Variants in CCDC102B observed in about 807,000 individuals in gnomAD.
The protein encoded by CCDC102B is coiled-coil domain-containing protein 102B.
Under a neutral mutation model 57.4 loss-of-function variants are expected in CCDC102B, and 75 were observed. That is an observed-to-expected ratio of 1.31 (90% CI 1.08 to 1.58). The LOEUF (loss-of-function observed/expected upper bound fraction) is 1.58. CCDC102B is among the 40% of genes most tolerant of loss of function. The probability of loss-of-function intolerance (pLI) is 0.00; values close to 1 mark genes in which losing one functional copy is unlikely to be tolerated. For missense variants in CCDC102B, 636 were observed against 582.6 expected (o/e 1.09, Z -0.94); for synonymous variants, 206 against 201.9 (o/e 1.02, Z -0.17).
intron 6 of CCDC102B, among the ~76,000 whole-genome samples, chr18:68,990,015 C>G (rs981943457): frequency 1.3e-5 from 2 of 152,170 alleles, no homozygotes; most frequent in Non-Finnish European, 2.9e-5. Flanking sequence ...CTGTATAGGA[C>G]CCACTCCTGG....
intron 1 of CCDC102B, among the ~76,000 whole-genome samples, chr18:68,834,993 A>G (rs2037305136): frequency 6.6e-6 from 1 of 152,088 alleles, no homozygotes; most frequent in Non-Finnish European, 1.5e-5. Flanking sequence ...GATTATTTAC[A>G]CCAGAAAAGC....
At chr18:68,996,068 GAA>G (rs2051019164) in intron 6 of CCDC102B, among the ~76,000 whole-genome samples, 1 of 152,226 alleles carries the variant, frequency 6.6e-6, no homozygotes, top group Non-Finnish European at 1.5e-5. Context: ...TGATTAGACT[GAA>G]AGATGCAAAG....
At chr18:68,738,401 G>A (rs966344585) in intron 2 of CCDC102B, among the ~76,000 whole-genome samples, 1 of 152,096 alleles carries the variant, frequency 6.6e-6, no homozygotes. Flanking sequence ...CCTGGAATAC[G>A]GGTCTATCCC....
intron 7 of CCDC102B, among the ~76,000 whole-genome samples, chr18:69,047,618 G>C (rs140559699): frequency 6.6e-6 from 1 of 152,014 alleles, no homozygotes; most frequent in East Asian, 1.9e-4. Context: ...TGCAGATGAC[G>C]TGATTCTATA....
chr18:68,968,397 G>C (rs1043629019), intron 6 of CCDC102B, among the ~76,000 whole-genome samples: 1 of 152,142 alleles, frequency 6.6e-6, no homozygotes, highest in African/African-American at 2.4e-5. Context: ...AACTGCAGGT[G>C]TAAGAAACAT....
intron 2 of CCDC102B, among the ~76,000 whole-genome samples, chr18:68,720,672 C>T (rs2032277564): frequency 6.6e-6 from 1 of 152,188 alleles, no homozygotes; most frequent in Non-Finnish European, 1.5e-5. Context: ...CATTGTATTC[C>T]TTTCCTGCAT....
At chr18:68,851,834 C>G (rs1318725296) in intron 4 of CCDC102B, among the ~76,000 whole-genome samples, 1 of 152,068 alleles carries the variant, frequency 6.6e-6, no homozygotes, top group Non-Finnish European at 1.5e-5. Context: ...AGGTAATTAC[C>G]TCACACAATG....
At chr18:68,996,211 A>C (rs985026895) in intron 6 of CCDC102B, among the ~76,000 whole-genome samples, 17 of 152,168 alleles carry the variant, frequency 1.1e-4, no homozygotes, top group Non-Finnish European at 2.4e-4. Flanking sequence ...CAGCTAGGAT[A>C]AAAGCAGGCA....
chr18:68,838,103 T>C (rs2037465185), intron 2 of CCDC102B, among the ~76,000 whole-genome samples: 1 of 152,230 alleles, frequency 6.6e-6, no homozygotes, highest in Non-Finnish European at 1.5e-5. Context: ...CAAATACCAA[T>C]AGCATGAGTC....
intron 5 of CCDC102B, among the ~76,000 whole-genome samples, chr18:68,880,452 C>T (rs923696992): frequency 1.4e-4 from 21 of 152,176 alleles, no homozygotes; most frequent in African/African-American, 4.6e-4. Context: ...CACAGTGCAG[C>T]GGTGGGCTGA....
chr18:69,008,352 T>C (rs985450109), intron 6 of CCDC102B, among the ~76,000 whole-genome samples: 5 of 152,226 alleles, frequency 3.3e-5, no homozygotes, highest in Non-Finnish European at 7.3e-5. Context: ...ACAGTGTTAC[T>C]GTGAAGCGAT....
At chr18:68,873,615 T>C (rs567329356) in intron 4 of CCDC102B, among the ~76,000 whole-genome samples, 1 of 152,172 alleles carries the variant, frequency 6.6e-6, no homozygotes, top group South Asian at 2.1e-4. Context: ...ACCTAACATA[T>C]AGGATTACTG....
intron 6 of CCDC102B, among the ~76,000 whole-genome samples, chr18:68,906,830 T>A (rs1157039167): frequency 3.5e-5 from 2 of 57,732 alleles, no homozygotes; most frequent in Non-Finnish European, 3.3e-5. Flanking sequence ...TTTGACGAAT[T>A]CTATTTTTTT....
intron 2 of CCDC102B, among the ~76,000 whole-genome samples, chr18:68,745,285 T>C (rs1486291605): frequency 6.6e-6 from 1 of 151,846 alleles, no homozygotes; most frequent in Non-Finnish European, 1.5e-5. Context: ...GGGGCCTGGC[T>C]CACGTAGGGC....
chr18:68,852,162 G>A (rs555888620), intron 4 of CCDC102B, among the ~76,000 whole-genome samples: 18 of 152,224 alleles, frequency 1.2e-4, no homozygotes, highest in African/African-American at 4.3e-4. Flanking sequence ...AGACATCAAA[G>A]GTATTGATTG....
chr18:68,982,178 CACTTAACTGCTGTAGTTCAAA>C (rs1314643976), intron 6 of CCDC102B, among the ~76,000 whole-genome samples: 2 of 151,748 alleles, frequency 1.3e-5, no homozygotes, highest in African/African-American at 2.4e-5. Flanking sequence ...AAGCATATGA[CACTTAACTGCTGTAGTTCAAA>C]ACTTTCAAAA....
At chr18:68,727,958 A>G (rs375094838) in intron 2 of CCDC102B, among the ~76,000 whole-genome samples, 2 of 152,368 alleles carry the variant, frequency 1.3e-5, no homozygotes, top group East Asian at 1.9e-4. Context: ...CCCCTGTCTC[A>G]GATATTGCTC....
At chr18:68,889,032 T>TG (rs1473723262) in intron 5 of CCDC102B, among the ~76,000 whole-genome samples, 1 of 151,394 alleles carries the variant, frequency 6.6e-6, no homozygotes, top group Non-Finnish European at 1.5e-5. Flanking sequence ...TTTTCTTTGT[T>TG]TTTTTTTTCT....
At chr18:68,796,536 A>G (rs2035634328), upstream of CCDC102B, among the ~76,000 whole-genome samples, 1 of 152,116 alleles carries the variant, frequency 6.6e-6, no homozygotes, top group South Asian at 2.1e-4. Flanking sequence ...AAAAAGAAAG[A>G]TGGTAATTTA....
Sources: allele counts gnomAD v4.1 joint callset (sites outside exome capture counted in the v4.1 genomes callset), GRCh38; gene constraint gnomAD v4.1.1; transcripts MANE v1.5; gene names NCBI Gene and HGNC (gene_info 2026-07-23, HGNC 2026-07-21).